Variants in CALCB observed in about 807,000 individuals in gnomAD.
The protein encoded by CALCB is calcitonin gene-related peptide 2.
In CALCB, 8 loss-of-function variants were observed where a neutral mutation model predicts 10.7. The ratio of observed to expected loss-of-function variants is 0.75; its 90% CI spans 0.44 to 1.34. The LOEUF (loss-of-function observed/expected upper bound fraction) is 1.34, where lower values mean the gene tolerates loss of function less well. Ranked by LOEUF, CALCB falls within the 40% of genes most tolerant of loss-of-function variation. The probability of loss-of-function intolerance (pLI) is 0.01; values close to 1 mark genes in which losing one functional copy is unlikely to be tolerated. For synonymous variants in CALCB, 76 were observed against 66.9 expected, an observed-to-expected ratio of 1.14 and a Z score of -0.66; for missense variants, 176 against 162.5, an observed-to-expected ratio of 1.08 and a Z score of -0.45.
At chr11:15,075,006 G>A in intron 2 of CALCB, 55 bp from the exon 3 acceptor site, 1 of 1,601,408 alleles carries the variant, frequency 6.2e-7, no homozygotes, top group South Asian at 1.1e-5. Context: ...TGCCTATCCT[G>A]GGGAGGGTCA....
chr11:15,077,549 G>C, intron 4 of CALCB, 79 bp downstream of exon 4: 2 of 1,433,834 alleles, frequency 1.4e-6, no homozygotes, highest in Non-Finnish European at 1.9e-6. Context: ...CTCTGCTCTG[G>C]TAGGTTCTTT....
chr11:15,076,433 C>A (rs1230926607), intron 3 of CALCB, among the ~76,000 whole-genome samples: 1 of 152,172 alleles, frequency 6.6e-6, no homozygotes, highest in Non-Finnish European at 1.5e-5. Flanking sequence ...ATGTGGATTC[C>A]TCTCTGATTT....
intron 1 of CALCB, 32 bp from the exon 2 acceptor site, chr11:15,074,678 G>T (rs1457784189): frequency 6.5e-7 from 1 of 1,531,930 alleles, no homozygotes; most frequent in Non-Finnish European, 9.0e-7. Context: ...GATCTGTGCT[G>T]GTGCAGTAGT....
chr11:15,077,138 C>T lies in CALCB; in HGVS notation c.225-148C>T, dbSNP rs1399803290. The T allele has an allele frequency of 6.1e-6, 5 of 819,230 alleles. No homozygotes were observed. In the Admixed American group the frequency reaches 1.3e-4, roughly 22 times the overall value. 50.7% of individuals were successfully genotyped at this position (819,230 alleles called of 1,614,324 possible). ...GAGCTCCTGGTGAAGACTGCCAGGC[C>T]ATTTCCCCTAACAGCTTTGATAATT... On this transcript the variant is annotated intron_variant, in intron 3 of 4. Coordinates refer to ENST00000324229, the MANE Select transcript of CALCB (RefSeq NM_000728.4).
At chr11:15,077,035 G>A (rs1344527678) in intron 3 of CALCB, among the ~76,000 whole-genome samples, 7 of 152,170 alleles carry the variant, frequency 4.6e-5, no homozygotes, top group Admixed American at 2.0e-4. Context: ...TCCTTGAATG[G>A]TAAGTGCAGG....
In CALCB at chr11:15,074,709, G is replaced by A; in HGVS notation, c.-9-1G>A. The A allele has an allele frequency of 6.2e-7, 1 of 1,612,368 alleles. No homozygotes were observed. The highest frequency in any genetic ancestry group is 1.1e-5 in the South Asian group (1 of 90,964). On this transcript the variant is annotated splice_acceptor_variant, in intron 1 of 4. Coordinates refer to ENST00000324229, the MANE Select transcript of CALCB (RefSeq NM_000728.4). LOFTEE classifies it low-confidence loss of function (5UTR_SPLICE). ...GTAGTAACGTCATCCTTCCTTTACA[G>A]AGAGGCGGCATGGGTTTCCGGAAGT... is the stretch of plus-strand genomic sequence containing the variant.
Position 15,075,173 on chromosome 11 carries a change from C to G in CALCB, c.199C>G (p.Gln67Glu). The G allele has an allele frequency of 1.2e-6, 2 of 1,614,206 alleles. No individual in the cohort carries two copies. Among genetic ancestry groups the G allele is most frequent in the Non-Finnish European group, 1.7e-6 (2 of 1,180,034 alleles). ...GCAGATGAAGGCCAGTGAGCTGAAG[C>G]AGGAGCAGGAGACACAGGGCTCCAG... ...YVQMKASELKQEQETQGSSSA... is the reference protein window; with the variant it reads ...YVQMKASELKEEQETQGSSSA... The change falls in exon 3 of 5, where the codon CAG (glutamine) becomes GAG (glutamate). Residue 67 changes from glutamine (Q) to glutamate (E), a missense_variant. Gln to Glu is a conservative substitution (Grantham distance 29). Coordinates refer to ENST00000324229, the MANE Select transcript of CALCB (RefSeq NM_000728.4).
chr11:15,077,411 C>T lies in CALCB; in HGVS notation c.350C>T (p.Ala117Val). The change falls in exon 4 of 5, where the codon GCC becomes GTC. Residue 117 changes from alanine (A) to valine (V), a missense_variant. Transcript: ENST00000324229. ...NFVPTNVGSK[A>V]FGRRRRDLQA ...GTGCCCACCAATGTGGGTTCCAAAG[C>T]CTTTGGCAGGCGCCGCAGGGACCTT... is the stretch of plus-strand genomic sequence containing the variant. 6.2e-7 allele frequency: 1 copy of T among 1,614,224 alleles called. No homozygotes were observed. Among genetic ancestry groups the T allele is most frequent in the Non-Finnish European group, 8.5e-7 (1 of 1,180,050 alleles).
chr11:15,075,284 C>G, intron 3 of CALCB, 86 bp downstream of exon 3: 1 of 1,598,086 alleles, frequency 6.3e-7, no homozygotes. Context: ...GGAGAGAACA[C>G]ACTGGCAAGG....
rs1850407358 is a variant in CALCB at position 15,077,502 on chromosome 11, G to A, written c.*25+32G>A. 5 of 1,600,072 alleles carry A rather than the reference G, an allele frequency of 3.1e-6. No individual in the cohort carries two copies. The East Asian group carries it at 6.7e-5, about 22-fold the overall frequency. On this transcript the variant is annotated intron_variant, in intron 4 of 4. Transcript: ENST00000324229. ...ACCCTAATGCTATGGGATAAGAGGG[G>A]GAAGGGACTTGGAGTTAAAACCTAC...
rs1323374748 is a variant in CALCB at position 15,078,343 on chromosome 11, C to G, written c.*286C>G. 6.6e-6 allele frequency: 1 copy of G among 152,176 alleles called. No individual in the cohort carries two copies. Among genetic ancestry groups the G allele is most frequent in the Middle Eastern group, 3.2e-3 (1 of 316 alleles). The allele number at this position is 152,176 out of a possible 1,614,324, so 9.4% of individuals were successfully genotyped here. ...TGGTAGCAAACTGGTTCTTTCGGAG[C>G]CATCCTGTTGATCATGCAGCTCCAC... On this transcript the variant is annotated 3_prime_UTR_variant, in exon 5 of 5. Transcript: ENST00000324229.
chr11:15,077,222 T>G, intron 3 of CALCB, 64 bp from the exon 4 acceptor site: 1 of 1,572,604 alleles, frequency 6.4e-7, no homozygotes, highest in Non-Finnish European at 8.7e-7. Context: ...GTTCTCTTCA[T>G]GAAGGCTCCT....
intron 2 of CALCB, 29 bp from the exon 3 acceptor site, chr11:15,075,032 C>A: frequency 6.2e-7 from 1 of 1,613,414 alleles, no homozygotes; most frequent in Non-Finnish European, 8.5e-7. Context: ...GGGCTCACAG[C>A]CTGCAAGGAG....
At chr11:15,074,669 A>T (rs2133640163) in intron 1 of CALCB, 41 bp from the exon 2 acceptor site, 2 of 1,493,968 alleles carry the variant, frequency 1.3e-6, no homozygotes, top group Middle Eastern at 3.5e-4. Context: ...TGGAACCTAG[A>T]TCTGTGCTGG....
intron 3 of CALCB, among the ~76,000 whole-genome samples, chr11:15,075,806 C>G (rs1850389120): frequency 6.6e-6 from 1 of 152,134 alleles, no homozygotes; most frequent in African/African-American, 2.4e-5. Context: ...GCACCGTTTC[C>G]CAGACCCACA....
At chr11:15,075,219 A>G (rs1302697766) in intron 3 of CALCB, 21 bp downstream of exon 3, 4 of 1,613,764 alleles carry the variant, frequency 2.5e-6, no homozygotes, top group South Asian at 1.1e-5. Flanking sequence ...CCAAGCGCCC[A>G]GCACAGGGAC....
At chr11:15,076,039 G>C (rs1850390762) in intron 3 of CALCB, among the ~76,000 whole-genome samples, 1 of 152,118 alleles carries the variant, frequency 6.6e-6, no homozygotes, top group Admixed American at 6.6e-5. Flanking sequence ...TGGAGTGTGT[G>C]TGAGCTGCCC....
At chr11:15,075,017 G>C (rs754112346) in intron 2 of CALCB, 44 bp from the exon 3 acceptor site, 1 of 1,611,598 alleles carries the variant, frequency 6.2e-7, no homozygotes, top group East Asian at 2.2e-5. Context: ...GGGAGGGTCA[G>C]TCAGGGGCTC....
intron 3 of CALCB, 90 bp from the exon 4 acceptor site, chr11:15,077,196 G>T: frequency 7.4e-7 from 1 of 1,355,010 alleles, no homozygotes; most frequent in Admixed American, 1.9e-5. Flanking sequence ...GTTAGGTGGT[G>T]TGTCGAAGTG....
Sources: allele counts gnomAD v4.1 joint callset (sites outside exome capture counted in the v4.1 genomes callset), GRCh38; gene constraint gnomAD v4.1.1; transcripts MANE v1.5; gene names NCBI Gene and HGNC (gene_info 2026-07-23, HGNC 2026-07-21).